Variants in F13A1 observed in about 807,000 individuals in gnomAD.
The protein encoded by F13A1 is coagulation factor XIII A chain, also known as FSF, A subunit.
A neutral mutation model predicts 80.1 loss-of-function variants in F13A1; 47 were observed. The ratio of observed to expected loss-of-function variants is 0.59; its 90% CI spans 0.46 to 0.75. The LOEUF (loss-of-function observed/expected upper bound fraction) is 0.75, where lower values mean the gene tolerates loss of function less well. Among genes scored for constraint, F13A1 ranks in the 30% least tolerant of loss-of-function variants. The pLI is 0.00. For synonymous variants in F13A1, 349 were observed against 344.9 expected, an observed-to-expected ratio of 1.01 and a Z score of -0.13; for missense variants, 817 against 930.4, an observed-to-expected ratio of 0.88 and a Z score of 1.59.
intron 4 of F13A1, 102 bp from the exon 5 acceptor site, chr6:6,251,031 A>G: frequency 1.1e-6 from 1 of 932,830 alleles, no homozygotes; most frequent in East Asian, 2.4e-5. Flanking sequence ...ACATTTAATC[A>G]GCCAAATTTT....
intron 3 of F13A1, among the ~76,000 whole-genome samples, chr6:6,301,717 G>T (rs531871149): frequency 6.6e-6 from 1 of 152,224 alleles, no homozygotes; most frequent in Non-Finnish European, 1.5e-5. Context: ...CTTTCCCATT[G>T]TTGGGAGTGT....
intron 4 of F13A1, among the ~76,000 whole-genome samples, chr6:6,261,456 C>T (rs1757780078): frequency 6.6e-6 from 1 of 152,224 alleles, no homozygotes; most frequent in Non-Finnish European, 1.5e-5. Flanking sequence ...AACCAGTGGT[C>T]CGCTAAGTGT....
At chr6:6,246,344 C>T (rs1757555293) in intron 6 of F13A1, among the ~76,000 whole-genome samples, 1 of 152,164 alleles carries the variant, frequency 6.6e-6, no homozygotes, top group Admixed American at 6.5e-5. Flanking sequence ...GAAAGATTCA[C>T]AGAGGTATTC....
intron 13 of F13A1, 95 bp downstream of exon 13, chr6:6,167,363 C>G: frequency 1.1e-6 from 1 of 887,552 alleles, no homozygotes; most frequent in Non-Finnish European, 1.6e-6. Context: ...GACATTCATT[C>G]ACACACACAC....
chr6:6,317,351 T>C (rs1370512036), intron 2 of F13A1, among the ~76,000 whole-genome samples: 1 of 152,084 alleles, frequency 6.6e-6, no homozygotes, highest in African/African-American at 2.4e-5. Context: ...TTTTAGAGAG[T>C]GGCATCCAGC....
intron 2 of F13A1, among the ~76,000 whole-genome samples, chr6:6,306,624 A>G (rs370300367): frequency 6.9e-4 from 105 of 152,194 alleles, no homozygotes; most frequent in South Asian, 1.0e-3. Flanking sequence ...TGGTTTCTGC[A>G]TGTGCATTTG....
rs946846466 is a variant in F13A1 at position 6,153,892 on chromosome 6, G to C, written c.1909-1943C>G. ...ATAATAGTTATTCCCTTAAGAAGAAGGAGGTTTTCTAGGGCAGGATCACTG... is the reference window on the plus strand; with the variant it reads ...ATAATAGTTATTCCCTTAAGAAGAACGAGGTTTTCTAGGGCAGGATCACTG... On this transcript the variant is annotated intron_variant, in intron 13 of 14. Transcript: ENST00000264870. Among the ~76,000 whole-genome samples, 10 of 152,252 alleles carry C rather than the reference G, an allele frequency of 6.6e-5. No homozygotes were observed. In the East Asian group the frequency reaches 1.5e-3, roughly 23 times the overall value.
At chr6:6,225,947 C>A (rs1757270652) in intron 6 of F13A1, among the ~76,000 whole-genome samples, 1 of 152,222 alleles carries the variant, frequency 6.6e-6, no homozygotes, top group Non-Finnish European at 1.5e-5. Context: ...ATGGAAGAGA[C>A]TTTAGCAGAG....
intron 3 of F13A1, among the ~76,000 whole-genome samples, chr6:6,289,102 A>G (rs1458879011): frequency 2.6e-5 from 4 of 152,160 alleles, no homozygotes; most frequent in Non-Finnish European, 4.4e-5. Context: ...TTTCCTATAC[A>G]TTATCTCCTT....
intron 3 of F13A1, among the ~76,000 whole-genome samples, chr6:6,269,814 T>C (rs1362930456): frequency 1.3e-5 from 2 of 152,044 alleles, no homozygotes; most frequent in South Asian, 4.2e-4. Context: ...CCTGGGTTCA[T>C]GCCATTCTCC....
chr6:6,154,852 A>G (rs1045073123), intron 13 of F13A1, among the ~76,000 whole-genome samples: 2 of 152,220 alleles, frequency 1.3e-5, no homozygotes, highest in Non-Finnish European at 2.9e-5. Context: ...AAACTGAAGA[A>G]GATGGAGCTG....
At chr6:6,269,471 A>T (rs755954988) in intron 3 of F13A1, among the ~76,000 whole-genome samples, 190 of 152,164 alleles carry the variant, frequency 1.2e-3, no homozygotes, top group Non-Finnish European at 1.7e-3. Context: ...TGATTTTTCC[A>T]TCAGGAGAAC....
At chr6:6,315,334 T>C (rs1408954740) in intron 2 of F13A1, among the ~76,000 whole-genome samples, 1 of 152,160 alleles carries the variant, frequency 6.6e-6, no homozygotes, top group African/African-American at 2.4e-5. Flanking sequence ...TACAACTGAA[T>C]TCAAAGGGTG....
chr6:6,208,759 T>C (rs1761541867), intron 8 of F13A1, among the ~76,000 whole-genome samples: 1 of 152,178 alleles, frequency 6.6e-6, no homozygotes, highest in African/African-American at 2.4e-5. Flanking sequence ...ATGATTTTAG[T>C]TTTCTCTCTT....
intron 10 of F13A1, among the ~76,000 whole-genome samples, chr6:6,183,802 G>C (rs1761029788): frequency 6.6e-6 from 1 of 152,098 alleles, no homozygotes; most frequent in Non-Finnish European, 1.5e-5. Flanking sequence ...TGTCCTTGTA[G>C]AAAGTGCATG....
At chr6:6,170,967 G>A (rs1170293954) in intron 12 of F13A1, among the ~76,000 whole-genome samples, 8 of 152,178 alleles carry the variant, frequency 5.3e-5, no homozygotes, top group Admixed American at 3.3e-4. Context: ...CTGGCCAAGC[G>A]AATGGGAGAT....
chr6:6,146,291 C>A (rs903309557), intron 14 of F13A1, among the ~76,000 whole-genome samples: 3 of 152,200 alleles, frequency 2.0e-5, no homozygotes, highest in Non-Finnish European at 2.9e-5. Context: ...TATAGCCCTG[C>A]CTGCTGCCAT....
chr6:6,220,708 C>T (rs560764295), intron 8 of F13A1, among the ~76,000 whole-genome samples: 10 of 152,238 alleles, frequency 6.6e-5, no homozygotes, highest in African/African-American at 2.4e-4. Flanking sequence ...CATATACATG[C>T]AGGGCTGCTA....
chr6:6,320,030 G>A (rs1035373669), intron 1 of F13A1, among the ~76,000 whole-genome samples: 2 of 152,240 alleles, frequency 1.3e-5, no homozygotes, highest in African/African-American at 2.4e-5. Flanking sequence ...AGTGCTAAGG[G>A]GGAGAAGGGG....
Sources: gnomAD v4.1 joint callset for allele counts (sites outside exome capture counted in the v4.1 genomes callset) on GRCh38, gnomAD v4.1.1 for gene constraint, MANE v1.5 for transcripts, NCBI Gene and HGNC (gene_info 2026-07-23, HGNC 2026-07-21) for gene names.